Variants in TAFA4 observed in about 807,000 individuals in gnomAD.
TAFA4 encodes TAFA chemokine like family member 4.
In TAFA4, 20 loss-of-function variants were observed where a neutral mutation model predicts 21.1. The ratio of observed to expected loss-of-function variants is 0.95; its 90% CI spans 0.67 to 1.38. TAFA4 has a LOEUF of 1.38. Among genes scored for constraint, TAFA4 ranks in the 40% most tolerant of loss-of-function variants. The probability of loss-of-function intolerance (pLI) is 0.00; values close to 1 mark genes in which losing one functional copy is unlikely to be tolerated. For missense variants in TAFA4, 211 were observed against 180.9 expected, an observed-to-expected ratio of 1.17 and a Z score of -0.95; for synonymous variants, 71 against 67.4, an observed-to-expected ratio of 1.05 and a Z score of -0.26.
At chr3:68,887,962 T>C (rs2089689982) in intron 1 of TAFA4, among the ~76,000 whole-genome samples, 1 of 152,160 alleles carries the variant, frequency 6.6e-6, no homozygotes, top group Non-Finnish European at 1.5e-5. Context: ...TGCTGTTTTA[T>C]TCTTCACATG....
chr3:68,815,134 C>T (rs1381902142), intron 3 of TAFA4, among the ~76,000 whole-genome samples: 3 of 152,118 alleles, frequency 2.0e-5, no homozygotes, highest in Non-Finnish European at 2.9e-5. Flanking sequence ...AAACTGGATC[C>T]CTTCCTTACA....
chr3:68,822,554 T>C (rs1167491797), intron 3 of TAFA4, among the ~76,000 whole-genome samples: 2 of 152,184 alleles, frequency 1.3e-5, no homozygotes, highest in East Asian at 3.9e-4. Flanking sequence ...CATTGCAGCC[T>C]TGACCTCCCT....
At chr3:68,917,537 G>A (rs986433213) in intron 1 of TAFA4, among the ~76,000 whole-genome samples, 3 of 151,784 alleles carry the variant, frequency 2.0e-5, no homozygotes, top group Admixed American at 6.6e-5. Flanking sequence ...GGCAGATCAC[G>A]AGGTCAGGAG....
At chr3:68,905,150 C>CTTTTTTTTTTT (rs145187037) in intron 1 of TAFA4, among the ~76,000 whole-genome samples, 35 of 85,262 alleles carry the variant, frequency 4.1e-4, no homozygotes, top group African/African-American at 1.6e-3. Context: ...AGATTTCTGC[C>CTTTTTTTTTTT]TTTTTTTTTT....
intron 1 of TAFA4, among the ~76,000 whole-genome samples, chr3:68,886,978 C>T (rs1040752106): frequency 6.6e-6 from 1 of 152,162 alleles, no homozygotes; most frequent in Non-Finnish European, 1.5e-5. Context: ...AAAATATATT[C>T]ATTCCATCTC....
At chr3:68,802,820 T>C (rs185534048) in intron 3 of TAFA4, among the ~76,000 whole-genome samples, 3 of 152,246 alleles carry the variant, frequency 2.0e-5, no homozygotes, top group Non-Finnish European at 4.4e-5. Context: ...TTAATGCATA[T>C]AGCAACCCTG....
At chr3:68,864,447 T>C (rs1245058185) in intron 3 of TAFA4, among the ~76,000 whole-genome samples, 1 of 152,114 alleles carries the variant, frequency 6.6e-6, no homozygotes, top group Non-Finnish European at 1.5e-5. Flanking sequence ...CAGACAATAC[T>C]TAGTGCTGGC....
chr3:68,811,969 G>A (rs555142888), intron 3 of TAFA4, among the ~76,000 whole-genome samples: 2,359 of 152,098 alleles, frequency 0.016, 57 homozygotes, highest in African/African-American at 0.054. Context: ...GACTAACAGC[G>A]GATCTCTCAG....
chr3:68,754,560 C>G (rs545676464), intron 3 of TAFA4, among the ~76,000 whole-genome samples: 5 of 152,148 alleles, frequency 3.3e-5, no homozygotes, highest in Non-Finnish European at 7.3e-5. Flanking sequence ...GTCCTTTCAT[C>G]CCATTATCAG....
At chr3:68,784,973 C>T (rs1703224058) in intron 3 of TAFA4, among the ~76,000 whole-genome samples, 1 of 152,054 alleles carries the variant, frequency 6.6e-6, no homozygotes, top group African/African-American at 2.4e-5. Flanking sequence ...ACACAAGGTG[C>T]TGATTGGTGT....
Position 68,867,454 on chromosome 3 carries a change from A to T in TAFA4, c.130+13276T>A, listed in dbSNP as rs2089434299. On this transcript the variant is annotated intron_variant, in intron 3 of 5. Transcript: ENST00000295569. ...AATGGAGTTCTTCAATCTGAAAGAA[A>T]AAAACAGTAATGTGCAAAAAGAAAA... 2.0e-5 allele frequency among the ~76,000 whole-genome samples: 3 copies of T among 152,292 alleles called. No individual in the cohort carries two copies. The South Asian group carries it at 6.2e-4, about 32-fold the overall frequency.
At chr3:68,782,035 C>CA (rs1264357737) in intron 3 of TAFA4, among the ~76,000 whole-genome samples, 1 of 151,920 alleles carries the variant, frequency 6.6e-6, no homozygotes, top group Non-Finnish European at 1.5e-5. Flanking sequence ...CTTTAAGTAT[C>CA]AAAGAATACT....
rs1050387855 is a variant in TAFA4 at position 68,769,747 on chromosome 3, C to G, written c.131-16729G>C. On this transcript the variant is annotated intron_variant, in intron 3 of 5. Transcript: ENST00000295569. ...AATTCCCAAAAACAAATGCAGAAAT[C>G]CCACCGAGTAGCATCCTCATAATAT... Among the ~76,000 whole-genome samples the G allele has an allele frequency of 7.2e-5, 11 of 152,196 alleles. No individual in the cohort carries two copies. The East Asian group carries it at 2.1e-3, about 29-fold the overall frequency.
chr3:68,931,160 C>T (rs2090154018), intron 1 of TAFA4, among the ~76,000 whole-genome samples: 1 of 152,222 alleles, frequency 6.6e-6, no homozygotes, highest in South Asian at 2.1e-4. Flanking sequence ...AGGCGCCCAT[C>T]CCCACACACG....
At chr3:68,830,639 T>C (rs1463803497) in intron 3 of TAFA4, among the ~76,000 whole-genome samples, 1 of 152,220 alleles carries the variant, frequency 6.6e-6, no homozygotes, top group Non-Finnish European at 1.5e-5. Flanking sequence ...AAGTGAGATG[T>C]AGTGCTGAGA....
chr3:68,733,044 C>A lies in TAFA4; in HGVS notation c.*98G>T. ...TATACAAATATGAAGTTGCTGAAAT[C>A]CTAGACAATTTTCTGCAAAGGGGCC... is the stretch of plus-strand genomic sequence containing the variant. On this transcript the variant is annotated 3_prime_UTR_variant, in exon 6 of 6. Transcript: ENST00000295569. The A allele has an allele frequency of 6.5e-7, 1 of 1,538,990 alleles. No individual in the cohort carries two copies. Among genetic ancestry groups the A allele is most frequent in the Non-Finnish European group, 8.9e-7 (1 of 1,123,614 alleles).
intron 3 of TAFA4, among the ~76,000 whole-genome samples, chr3:68,804,228 G>A (rs185919697): frequency 2.6e-5 from 4 of 152,108 alleles, no homozygotes; most frequent in East Asian, 3.9e-4. Context: ...AAGCATCTCT[G>A]AATAAATCAT....
chr3:68,783,705 G>GAAAA (rs752071251), intron 3 of TAFA4, among the ~76,000 whole-genome samples: 1,088 of 100,170 alleles, frequency 0.011, 13 homozygotes, highest in East Asian at 0.039. Flanking sequence ...GAGAGAGAGA[G>GAAAA]AGAAAGAAAA....
chr3:68,880,881 G>A (rs1214194844), intron 2 of TAFA4, 36 bp from the exon 3 acceptor site: 8 of 1,568,316 alleles, frequency 5.1e-6, no homozygotes, highest in Non-Finnish European at 1.8e-6. Context: ...AGTGAGGGCT[G>A]AGGAAGGCCA....
Sources: allele counts gnomAD v4.1 joint callset (sites outside exome capture counted in the v4.1 genomes callset), GRCh38; gene constraint gnomAD v4.1.1; transcripts MANE v1.5; gene names NCBI Gene and HGNC (gene_info 2026-07-23, HGNC 2026-07-21).